Variants in LRRC4B observed in about 807,000 individuals in gnomAD.
LRRC4B encodes the protein leucine-rich repeat-containing protein 4B.
LRRC4B carries 1 observed loss-of-function variant against 7.3 expected under a neutral mutation model. The ratio of observed to expected loss-of-function variants is 0.14; its 90% confidence interval spans 0.05 to 0.65. LRRC4B has a LOEUF of 0.65. LRRC4B is among the 30% of genes least tolerant of loss of function. The pLI, the probability that LRRC4B is intolerant of heterozygous loss-of-function variation, is 0.84. For missense variants in LRRC4B, 730 were observed against 1,041.6 expected (o/e 0.70, Z 4.12); for synonymous variants, 500 against 499.2 (o/e 1.00, Z -0.02).
Position 50,519,895 on chromosome 19 carries a change from T to A in LRRC4B, c.298-480A>T, listed in dbSNP as rs537078744. Among the ~76,000 whole-genome samples the A allele has an allele frequency of 7.0e-6, 1 of 142,518 alleles. No individual in the cohort carries two copies. Among genetic ancestry groups the A allele is most frequent in the South Asian group, 2.2e-4 (1 of 4,464 alleles). 93.5% of individuals were successfully genotyped at this position (142,518 alleles called of 152,430 possible). A position where few individuals can be genotyped will look rare whatever the true frequency, so the allele number is the denominator to read the frequency against. On this transcript the variant is annotated intron_variant, in intron 2 of 2. Transcript: ENST00000652263. This position sits in a 1 kb window ranked among gnomAD's most constrained non-coding sequence, Gnocchi z 8.1. ...GTAGAAACAAACAAAAAAACTGGAT[T>A]CAAGAATTTTGGGGGACCAAGCACA...
Position 50,556,499 on chromosome 19 carries a change from G to A in LRRC4B, c.-35-7626C>T, listed in dbSNP as rs756225879. 2.0e-5 allele frequency among the ~76,000 whole-genome samples: 3 copies of A among 152,054 alleles called. No homozygotes were observed. Among genetic ancestry groups the A allele is most frequent in the Non-Finnish European group, 4.4e-5 (3 of 67,996 alleles). ...GTCAGGGGGGGCTCTGCGTTCCCACGACACCTCCAGGAGGTCTTCTTTGAG... is the reference window on the plus strand; with the variant it reads ...GTCAGGGGGGGCTCTGCGTTCCCACAACACCTCCAGGAGGTCTTCTTTGAG... On this transcript the variant is annotated intron_variant, in intron 1 of 2. Transcript: ENST00000652263. This position sits in a 1 kb window ranked among gnomAD's most constrained non-coding sequence, Gnocchi z 4.2.
At position 50,549,316 on chromosome 19, in the gene LRRC4B, G is replaced by C. The variant is rs1010996515; in HGVS notation, c.-35-443C>G. On this transcript the variant is annotated intron_variant, in intron 1 of 2. Transcript: ENST00000652263. ...AACGGGGAAGAGCAAGCGAGGTGGC[G>C]AGGACCTCGCTCCCATCCCAACACC... Among the ~76,000 whole-genome samples, 4 of 152,192 alleles carry C rather than the reference G, an allele frequency of 2.6e-5. 1 individual carries two copies. The highest frequency in any genetic ancestry group is 2.6e-4 in the Admixed American group (4 of 15,286).
intron 2 of LRRC4B, among the ~76,000 whole-genome samples, chr19:50,529,475 C>T (rs140610516): frequency 9.2e-5 from 14 of 152,036 alleles, no homozygotes; most frequent in East Asian, 5.8e-4. Context: ...CATCACTGAT[C>T]GCTAGGCAGA....
At chr19:50,532,091 C>T (rs1981082976) in intron 2 of LRRC4B, among the ~76,000 whole-genome samples, 2 of 152,032 alleles carry the variant, frequency 1.3e-5, no homozygotes, top group South Asian at 2.1e-4. Context: ...CAAAATTTAC[C>T]CTGGCGTGGT....
At chr19:50,554,610 C>T (rs555004113) in intron 1 of LRRC4B, among the ~76,000 whole-genome samples, 34 of 152,328 alleles carry the variant, frequency 2.2e-4, no homozygotes, top group Admixed American at 5.2e-4. Flanking sequence ...TCATCTCTTC[C>T]GCACACACAT....
At chr19:50,525,699 C>T (rs180802554) in intron 2 of LRRC4B, among the ~76,000 whole-genome samples, 21 of 151,852 alleles carry the variant, frequency 1.4e-4, no homozygotes, top group South Asian at 1.2e-3. Flanking sequence ...GGATTACACA[C>T]GTGAGCCACC....
chr19:50,562,356 G>A (rs1982496091), intron 1 of LRRC4B, among the ~76,000 whole-genome samples: 1 of 152,154 alleles, frequency 6.6e-6, no homozygotes, highest in Non-Finnish European at 1.5e-5. Context: ...CAGGGATGAT[G>A]ACTGTGCCTC....
At position 50,551,877 on chromosome 19, in the gene LRRC4B, CCTT is replaced by C. The variant is rs541212198; in HGVS notation, c.-35-3007_-35-3005del. 7.2e-4 allele frequency among the ~76,000 whole-genome samples: 109 copies of C among 150,972 alleles called. 1 individual carries two copies. The highest frequency in any genetic ancestry group is 2.5e-3 in the African/African-American group (102 of 41,242). On this transcript the variant is annotated intron_variant, in intron 1 of 2. Transcript: ENST00000652263. ...GCTCCCTCCCTCCCCACCCCTCCCT[CCTT>C]CTTTCTCTCCTTCTGAACGGGGAGG...
At chr19:50,523,959 A>G (rs76246322) in intron 2 of LRRC4B, among the ~76,000 whole-genome samples, 1 of 145,506 alleles carries the variant, frequency 6.9e-6, no homozygotes, top group Non-Finnish European at 1.5e-5. Flanking sequence ...ACTCTGTCTA[A>G]AAAAAAAAAA....
At chr19:50,539,109 A>G (rs1981431542) in intron 2 of LRRC4B, among the ~76,000 whole-genome samples, 1 of 142,446 alleles carries the variant, frequency 7.0e-6, no homozygotes, top group African/African-American at 2.7e-5. Flanking sequence ...CGAACTCCTG[A>G]CCTTGTGATC....
At chr19:50,523,304 A>G (rs1275420977) in intron 2 of LRRC4B, among the ~76,000 whole-genome samples, 1 of 150,972 alleles carries the variant, frequency 6.6e-6, no homozygotes, top group Non-Finnish European at 1.5e-5. Flanking sequence ...AACGGAGGAA[A>G]CTGAGAACCT....
chr19:50,537,817 C>T lies in LRRC4B; in HGVS notation c.297+10725G>A, dbSNP rs1220975371. On this transcript the variant is annotated intron_variant, in intron 2 of 2. Transcript: ENST00000652263. The surrounding 1 kb of genome is among the most constrained non-coding windows in gnomAD (Gnocchi z 5.5). ...AAGGATTATGTGGGCCCCGAGATGG[C>T]GCTGCTGAGGGAATGAAGAGGATAA... 5.3e-5 allele frequency among the ~76,000 whole-genome samples: 8 copies of T among 152,066 alleles called. No homozygotes were observed. Among genetic ancestry groups the T allele is most frequent in the Admixed American group, 4.6e-4 (7 of 15,268 alleles).
intron 2 of LRRC4B, among the ~76,000 whole-genome samples, chr19:50,541,079 G>T (rs998030251): frequency 6.6e-6 from 1 of 151,880 alleles, no homozygotes; most frequent in African/African-American, 2.4e-5. Context: ...AGCTACTCGG[G>T]AGGCTGAAGC....
intron 1 of LRRC4B, among the ~76,000 whole-genome samples, chr19:50,559,663 G>A (rs573690313): frequency 9.8e-5 from 15 of 152,370 alleles, no homozygotes; most frequent in African/African-American, 3.6e-4. Flanking sequence ...CCACTCATAG[G>A]GGTCCTGCCT....
chr19:50,560,575 T>A (rs1377817598), intron 1 of LRRC4B, among the ~76,000 whole-genome samples: 1 of 152,230 alleles, frequency 6.6e-6, no homozygotes, highest in African/African-American at 2.4e-5. Flanking sequence ...GTCTACCTCA[T>A]CACACCGTCC....
At chr19:50,536,041 G>A (rs903769523) in intron 2 of LRRC4B, among the ~76,000 whole-genome samples, 4 of 152,216 alleles carry the variant, frequency 2.6e-5, no homozygotes, top group African/African-American at 7.2e-5. Context: ...GGCCTACACC[G>A]CTTCCTGGGC....
At chr19:50,567,870 A>G (rs1982687263) in intron 1 of LRRC4B, 74 bp downstream of exon 1, 2 of 113,484 alleles carry the variant, frequency 1.8e-5, no homozygotes, top group Non-Finnish European at 3.6e-5. Flanking sequence ...CAATTAGCGA[A>G]TGCCCCCCAC....
chr19:50,520,749 C>A (rs969611057), intron 2 of LRRC4B, among the ~76,000 whole-genome samples: 2 of 151,862 alleles, frequency 1.3e-5, no homozygotes, highest in Non-Finnish European at 2.9e-5. Flanking sequence ...CCAGTCTGGG[C>A]AACATTGGGA....
In LRRC4B at chr19:50,518,621, G is replaced by A. The variant is rs370317480; in HGVS notation, c.1092C>T (p.Pro364=). ...GGTCCGTGGGCGGCTCCACGATGACGGGCGCATAGCAGGTGAAATGCGACT... is the reference window on the plus strand; with the variant it reads ...GGTCCGTGGGCGGCTCCACGATGACAGGCGCATAGCAGGTGAAATGCGACT... ...LDQSHFTCYA[P]VIVEPPTDLN... Residue 364 remains proline (P), a synonymous_variant, in exon 3 of 3, where the codon CCC becomes CCT. Coordinates refer to ENST00000652263, the MANE Select transcript of LRRC4B (RefSeq NM_001080457.2). 4.4e-5 allele frequency: 71 copies of A among 1,604,654 alleles called. No homozygotes were observed. The highest frequency in any genetic ancestry group is 3.3e-4 in the Middle Eastern group (2 of 6,018).
Sources: gnomAD v4.1 joint callset for allele counts (sites outside exome capture counted in the v4.1 genomes callset) on GRCh38, gnomAD v4.1.1 for gene constraint, Gnocchi (gnomAD v3.1) non-coding constraint, MANE v1.5 for transcripts, NCBI Gene and HGNC (gene_info 2026-07-23, HGNC 2026-07-21) for gene names.